The following MAST4 variants were observed in gnomAD, a reference collection of about 807,000 sequenced individuals.
MAST4 encodes microtubule-associated serine/threonine-protein kinase 4.
A neutral mutation model predicts 162.7 loss-of-function variants in MAST4; 89 were observed. The observed-to-expected ratio is 0.55, with a 90% CI of 0.46 to 0.65. The LOEUF (loss-of-function observed/expected upper bound fraction) is 0.65, where lower values mean the gene tolerates loss of function less well. Among genes scored for constraint, MAST4 ranks in the 30% least tolerant of loss-of-function variants. MAST4 has a pLI of 0.00. For synonymous variants in MAST4, 1,479 were observed against 1,361.1 expected, an observed-to-expected ratio of 1.09 and a Z score of -1.91; for missense variants, 3,153 against 3,374.0, an observed-to-expected ratio of 0.93 and a Z score of 1.62.
intron 1 of MAST4, among the ~76,000 whole-genome samples, chr5:66,708,863 G>A (rs143382638): frequency 5.9e-5 from 9 of 152,020 alleles, no homozygotes; most frequent in African/African-American, 1.9e-4. Flanking sequence ...AATGATCGGG[G>A]AAAAAAAGCA....
intron 1 of MAST4, among the ~76,000 whole-genome samples, chr5:66,602,793 G>C (rs1742640463): frequency 6.6e-6 from 1 of 152,262 alleles, no homozygotes; most frequent in East Asian, 1.9e-4. Context: ...CATTCCTTTA[G>C]AGCTAGCAGC....
chr5:66,696,236 A>C (rs1030777461), intron 1 of MAST4, among the ~76,000 whole-genome samples: 1 of 152,112 alleles, frequency 6.6e-6, no homozygotes, highest in Non-Finnish European at 1.5e-5. Flanking sequence ...CATCAGGATA[A>C]ATAGCTAAAG....
intron 1 of MAST4, among the ~76,000 whole-genome samples, chr5:66,748,270 G>A (rs527637297): frequency 9.5e-4 from 145 of 152,046 alleles, no homozygotes; most frequent in African/African-American, 3.3e-3. Flanking sequence ...GCACACAGCC[G>A]CTTAATAAAT....
rs1272000769 is a variant in MAST4, at chr5:67,163,427, G to C, written c.4248G>C (p.Lys1416Asn). 1.2e-6 allele frequency: 2 copies of C among 1,613,078 alleles called. No homozygotes were observed. The highest frequency in any genetic ancestry group is 1.1e-5 in the South Asian group (1 of 91,084). The change falls in exon 29 of 29, where the codon AAG (lysine) becomes AAC (asparagine). Residue 1416 changes from lysine (K) to asparagine (N), a missense_variant. Physicochemically the swap from Lys to Asn is moderately conservative, Grantham distance 94. Transcript: ENST00000403625. The surrounding 1 kb of genome is among the most constrained non-coding windows in gnomAD (Gnocchi z 7.0). Reference sequence around the variant, plus strand: ...AGATCGCGCAAGCCTTTCCCAGCAAGATGCACTCCCCGCCCACCATCGTCA... The same window carrying C: ...AGATCGCGCAAGCCTTTCCCAGCAACATGCACTCCCCGCCCACCATCGTCA... ...NSKIAQAFPS[K>N]MHSPPTIVRH...
At chr5:66,954,430 G>A (rs979988193) in intron 4 of MAST4, among the ~76,000 whole-genome samples, 1 of 152,166 alleles carries the variant, frequency 6.6e-6, no homozygotes, top group African/African-American at 2.4e-5. Context: ...CTGCAATATA[G>A]GGAGGGTCAT....
At chr5:66,618,566 A>G (rs1041525811) in intron 1 of MAST4, among the ~76,000 whole-genome samples, 2 of 152,214 alleles carry the variant, frequency 1.3e-5, no homozygotes, top group East Asian at 1.9e-4. Context: ...TGTTGGATGA[A>G]CATTAATGTC....
chr5:67,018,378 A>G (rs1163929856), intron 4 of MAST4, among the ~76,000 whole-genome samples: 2 of 152,096 alleles, frequency 1.3e-5, no homozygotes, highest in Non-Finnish European at 2.9e-5. Flanking sequence ...AAAAAATTTT[A>G]AACATTCGTG....
chr5:66,900,251 CATT>C lies in MAST4; in HGVS notation c.674+273_674+275del, dbSNP rs534791948. On this transcript the variant is annotated intron_variant, in intron 4 of 28. Transcript: ENST00000403625. Reference sequence around the variant, plus strand: ...ATGCTGTTATATAATTAAGCAAAAACATTATTTGGTTAGGAGACAGAGTACATT... The same window carrying C: ...ATGCTGTTATATAATTAAGCAAAAACATTTGGTTAGGAGACAGAGTACATT... Among the ~76,000 whole-genome samples, 316 of 152,028 alleles carry C rather than the reference CATT, an allele frequency of 2.1e-3. 2 individuals are homozygous for C. Among genetic ancestry groups the C allele is most frequent in the African/African-American group, 7.1e-3 (296 of 41,506 alleles).
chr5:67,089,294 C>T (rs1763579663), intron 5 of MAST4, among the ~76,000 whole-genome samples: 1 of 152,172 alleles, frequency 6.6e-6, no homozygotes, highest in South Asian at 2.1e-4. Flanking sequence ...CCTGAACTTG[C>T]CCTCGCCAGC....
chr5:66,885,569 AGTTT>A (rs1446600902), intron 3 of MAST4, among the ~76,000 whole-genome samples: 2 of 152,206 alleles, frequency 1.3e-5, no homozygotes, highest in African/African-American at 2.4e-5. Context: ...CTTTGTAAGA[AGTTT>A]GTTTTTCATT....
chr5:66,717,440 C>T (rs1452283459), intron 1 of MAST4, among the ~76,000 whole-genome samples: 1 of 152,192 alleles, frequency 6.6e-6, no homozygotes, highest in East Asian at 1.9e-4. Flanking sequence ...CCTCCTTTGG[C>T]ACTTTTAGTT....
chr5:66,894,006 A>C (rs1762523868), intron 3 of MAST4, among the ~76,000 whole-genome samples: 1 of 152,198 alleles, frequency 6.6e-6, no homozygotes, highest in Non-Finnish European at 1.5e-5. Flanking sequence ...CTGTACACCC[A>C]GCTAATTTTA....
intron 1 of MAST4, among the ~76,000 whole-genome samples, chr5:66,693,684 A>T (rs1423675036): frequency 6.6e-6 from 1 of 152,040 alleles, no homozygotes; most frequent in Non-Finnish European, 1.5e-5. Flanking sequence ...GATGCTATCA[A>T]ATGTCTTAAG....
chr5:67,047,417 T>C (rs1219604887), intron 4 of MAST4, among the ~76,000 whole-genome samples: 1 of 152,172 alleles, frequency 6.6e-6, no homozygotes, highest in African/African-American at 2.4e-5. Flanking sequence ...TCAGGGCCTC[T>C]GCTCTTGCTG....
chr5:66,927,169 C>A (rs1190887224), intron 4 of MAST4, among the ~76,000 whole-genome samples: 1 of 152,160 alleles, frequency 6.6e-6, no homozygotes, highest in Non-Finnish European at 1.5e-5. Flanking sequence ...CCAGACAGAT[C>A]CTGTGGCAAG....
At chr5:66,773,030 C>G (rs528129484) in intron 2 of MAST4, among the ~76,000 whole-genome samples, 137 of 152,274 alleles carry the variant, frequency 9.0e-4, no homozygotes, top group African/African-American at 3.2e-3. Flanking sequence ...TCCTGTCACT[C>G]GAGCATACCC....
chr5:66,819,775 A>T (rs1480268627), intron 3 of MAST4, among the ~76,000 whole-genome samples: 5 of 137,258 alleles, frequency 3.6e-5, no homozygotes, highest in African/African-American at 8.2e-5. Context: ...TCACTGTGGG[A>T]TTTTTTTTTT....
At chr5:66,597,067 C>T in intron 1 of MAST4, 49 bp downstream of exon 1, 1 of 1,362,360 alleles carries the variant, frequency 7.3e-7, no homozygotes. Context: ...AGCCGGGCGA[C>T]CGTAGTTTCC....
intron 23 of MAST4, among the ~76,000 whole-genome samples, chr5:67,146,615 A>C (rs1443487338): frequency 6.6e-6 from 1 of 152,162 alleles, no homozygotes; most frequent in African/African-American, 2.4e-5. Flanking sequence ...TAATCATTTC[A>C]GGAAAAATTT....
Sources: gnomAD v4.1 joint callset for allele counts (sites outside exome capture counted in the v4.1 genomes callset) on GRCh38, gnomAD v4.1.1 for gene constraint, Gnocchi (gnomAD v3.1) non-coding constraint, MANE v1.5 for transcripts, NCBI Gene and HGNC (gene_info 2026-07-23, HGNC 2026-07-21) for gene names.